Variants in ADK observed in about 807,000 individuals in gnomAD.
ADK encodes adenosine kinase.
ADK carries 24 observed loss-of-function variants against 44.7 expected under a neutral mutation model. The ratio of observed to expected loss-of-function variants is 0.54; its 90% confidence interval spans 0.39 to 0.76. The LOEUF is 0.76. Among genes scored for constraint, ADK ranks in the 30% least tolerant of loss-of-function variants. ADK has a pLI of 0.00. For missense variants in ADK, 321 were observed against 425.1 expected, an observed-to-expected ratio of 0.76 and a Z score of 2.15; for synonymous variants, 128 against 142.6, an observed-to-expected ratio of 0.90 and a Z score of 0.73.
intron 6 of ADK, among the ~76,000 whole-genome samples, chr10:74,411,684 G>A (rs1844182840): frequency 6.6e-6 from 1 of 152,170 alleles, no homozygotes; most frequent in Non-Finnish European, 1.5e-5. Context: ...GGGTAGCTGT[G>A]ACGATTTCTT....
At chr10:74,675,825 C>G (rs115759987) in intron 10 of ADK, among the ~76,000 whole-genome samples, 1 of 152,034 alleles carries the variant, frequency 6.6e-6, no homozygotes, top group Non-Finnish European at 1.5e-5. Context: ...GAAAGAGGAC[C>G]TAATCAATAT....
rs138730631 is a variant in ADK, at chr10:74,329,106, CAA to C, written c.273+14384_273+14385del. The stretch of plus-strand genomic sequence containing the variant: ...AATAAAATCTAATCTTCTGTGCAGG[CAA>C]AAAAAAAAAAAAAAAAAAAAAAGAA... On this transcript the variant is annotated intron_variant, in intron 4 of 10. Coordinates refer to ENST00000539909, the MANE Select transcript of ADK (RefSeq NM_006721.4). Among the ~76,000 whole-genome samples the C allele has an allele frequency of 3.7e-3, 303 of 82,104 alleles. 2 individuals carry two copies. The highest frequency in any genetic ancestry group is 0.01 in the African/African-American group (207 of 20,202). The allele number at this position is 82,104 out of a possible 152,430, so 53.9% of individuals were successfully genotyped here.
intron 1 of ADK, among the ~76,000 whole-genome samples, chr10:74,178,705 T>C (rs962866872): frequency 6.6e-6 from 1 of 152,234 alleles, no homozygotes; most frequent in Non-Finnish European, 1.5e-5. Flanking sequence ...TTGACATGTT[T>C]TGAAAGGATG....
intron 9 of ADK, among the ~76,000 whole-genome samples, chr10:74,652,972 G>A (rs907053116): frequency 1.1e-4 from 16 of 152,258 alleles, no homozygotes; most frequent in Middle Eastern, 6.8e-3. Context: ...TCATAAGCTG[G>A]TGTGAACTCA....
intron 3 of ADK, among the ~76,000 whole-genome samples, chr10:74,302,224 G>A (rs1592014181): frequency 6.9e-6 from 1 of 144,590 alleles, no homozygotes; most frequent in South Asian, 2.3e-4. Context: ...TACCTCCCGG[G>A]TTCAAGCGAT....
chr10:74,694,146 C>CTTTTTTTT (rs1266786094), intron 10 of ADK, among the ~76,000 whole-genome samples: 1 of 36,312 alleles, frequency 2.8e-5, no homozygotes, highest in Non-Finnish European at 5.0e-5. Context: ...TTTTCAAACA[C>CTTTTTTTT]ATTTTTTTTT....
rs554177369 is a variant in ADK at position 74,389,313 on chromosome 10, A to G, written c.274-4828A>G. Reference sequence around the variant, plus strand: ...GTAGTTGTGACTTTGTATTAGGAACATCATCATTTTTATCTTTTTATTCCC... The same window carrying G: ...GTAGTTGTGACTTTGTATTAGGAACGTCATCATTTTTATCTTTTTATTCCC... On this transcript the variant is annotated intron_variant, in intron 4 of 10. Transcript: ENST00000539909. Among the ~76,000 whole-genome samples, 61 of 152,182 alleles carry G rather than the reference A, an allele frequency of 4.0e-4. 1 individual carries two copies. The highest frequency in any genetic ancestry group is 8.1e-4 in the Non-Finnish European group (55 of 68,036).
At chr10:74,497,454 A>T (rs1236354304) in intron 6 of ADK, among the ~76,000 whole-genome samples, 1 of 152,162 alleles carries the variant, frequency 6.6e-6, no homozygotes, top group Non-Finnish European at 1.5e-5. Context: ...TTAACTTTAT[A>T]TACCATCTTT....
At chr10:74,217,619 C>T (rs1437678611) in intron 2 of ADK, among the ~76,000 whole-genome samples, 1 of 152,192 alleles carries the variant, frequency 6.6e-6, no homozygotes, top group African/African-American at 2.4e-5. Context: ...GGGAGGCACC[C>T]CCCAGTAGGA....
chr10:74,648,779 G>A (rs771901984), intron 9 of ADK, among the ~76,000 whole-genome samples: 1 of 152,178 alleles, frequency 6.6e-6, no homozygotes, highest in Non-Finnish European at 1.5e-5. Flanking sequence ...AAACAGAGCT[G>A]TATAAGAGCA....
At chr10:74,497,163 T>G (rs1342866976) in intron 6 of ADK, among the ~76,000 whole-genome samples, 1 of 152,176 alleles carries the variant, frequency 6.6e-6, no homozygotes, top group Non-Finnish European at 1.5e-5. Context: ...TATTTCTGCT[T>G]TGTCCCAAAA....
chr10:74,590,405 T>A (rs1479650915), intron 8 of ADK, among the ~76,000 whole-genome samples: 2 of 152,120 alleles, frequency 1.3e-5, no homozygotes, highest in Non-Finnish European at 2.9e-5. Flanking sequence ...TCTTTTTAAA[T>A]GTAGTAAAGG....
At chr10:74,536,948 A>G (rs1403375451) in intron 7 of ADK, among the ~76,000 whole-genome samples, 2 of 152,154 alleles carry the variant, frequency 1.3e-5, no homozygotes, top group Non-Finnish European at 2.9e-5. Flanking sequence ...GAACAATGCT[A>G]CTGTGAATGT....
In ADK at chr10:74,303,597, T is replaced by G. The variant is rs894543939; in HGVS notation, c.195-11070T>G. Among the ~76,000 whole-genome samples, 4 of 132,740 alleles carry G rather than the reference T, an allele frequency of 3.0e-5. No individual in the cohort carries two copies. In the East Asian group the frequency reaches 6.8e-4, roughly 23 times the overall value. 87.1% of individuals were successfully genotyped at this position (132,740 alleles called of 152,430 possible). A position where few individuals can be genotyped will look rare whatever the true frequency, so the allele number is the denominator to read the frequency against. On this transcript the variant is annotated intron_variant, in intron 3 of 10. Coordinates refer to ENST00000539909, the MANE Select transcript of ADK (RefSeq NM_006721.4). ...TATTGGTTTTAATGTTGTTTTTTTTTTTTTTTTTTTTTTTTTTGCTAGAAA... is the reference window on the plus strand; with the variant it reads ...TATTGGTTTTAATGTTGTTTTTTTTGTTTTTTTTTTTTTTTTTGCTAGAAA...
At chr10:74,418,271 C>G (rs1844441383) in intron 6 of ADK, among the ~76,000 whole-genome samples, 1 of 152,108 alleles carries the variant, frequency 6.6e-6, no homozygotes, top group African/African-American at 2.4e-5. Context: ...TCCTTAGTCC[C>G]CTTTCCCCCA....
chr10:74,311,306 C>G (rs966062129), intron 3 of ADK, among the ~76,000 whole-genome samples: 4 of 152,134 alleles, frequency 2.6e-5, no homozygotes, highest in Non-Finnish European at 5.9e-5. Flanking sequence ...ATGTTTAACA[C>G]TTAAGTAGAA....
At chr10:74,158,717 T>C (rs1226079599) in intron 1 of ADK, among the ~76,000 whole-genome samples, 1 of 152,228 alleles carries the variant, frequency 6.6e-6, no homozygotes, top group Admixed American at 6.5e-5. Context: ...TAGTTTACTT[T>C]TAAAAGTTGG....
At chr10:74,416,285 A>G (rs761870998) in intron 6 of ADK, among the ~76,000 whole-genome samples, 5 of 152,068 alleles carry the variant, frequency 3.3e-5, no homozygotes, top group South Asian at 4.2e-4. Context: ...TTTCAGACCA[A>G]TATTGGTTTC....
At chr10:74,636,189 A>G (rs1337623912) in intron 9 of ADK, among the ~76,000 whole-genome samples, 3 of 152,180 alleles carry the variant, frequency 2.0e-5, no homozygotes, top group Admixed American at 6.5e-5. Context: ...AAACTACAAA[A>G]TGTTCCAGAA....
Sources: allele counts gnomAD v4.1 joint callset (sites outside exome capture counted in the v4.1 genomes callset), GRCh38; gene constraint gnomAD v4.1.1; transcripts MANE v1.5; gene names NCBI Gene and HGNC (gene_info 2026-07-23, HGNC 2026-07-21).